Variants in KIF16B observed in about 807,000 individuals in gnomAD.
KIF16B encodes kinesin family member 16B.
Under a neutral mutation model 156.3 loss-of-function variants are expected in KIF16B, and 98 were observed. The observed-to-expected ratio is 0.63, with a 90% CI of 0.53 to 0.74. KIF16B has a LOEUF of 0.74. KIF16B is among the 30% of genes least tolerant of loss of function. KIF16B has a pLI of 0.00. For missense variants in KIF16B, 1,421 were observed against 1,606.5 expected (o/e 0.88, Z 1.97); for synonymous variants, 564 against 583.7 (o/e 0.97, Z 0.49).
At chr20:16,560,771 T>G (rs1323502694) in intron 1 of KIF16B, among the ~76,000 whole-genome samples, 2 of 151,528 alleles carry the variant, frequency 1.3e-5, no homozygotes, top group Non-Finnish European at 2.9e-5. Flanking sequence ...GGTGACAAAG[T>G]GAGATATTAT....
At chr20:16,470,731 G>A (rs6043977) in intron 12 of KIF16B, among the ~76,000 whole-genome samples, 36,996 of 150,150 alleles carry the variant, frequency 0.25, 4,740 homozygotes, top group African/African-American at 0.3. Context: ...TCCTGGGCTC[G>A]AGCAATCGGC....
intron 25 of KIF16B, among the ~76,000 whole-genome samples, chr20:16,292,690 A>G (rs1425891268): frequency 6.6e-6 from 1 of 152,220 alleles, no homozygotes; most frequent in Middle Eastern, 3.2e-3. Flanking sequence ...CTTAGTGGGC[A>G]TGAGACAGAC....
At chr20:16,438,077 G>A (rs2066697143) in intron 12 of KIF16B, among the ~76,000 whole-genome samples, 1 of 152,052 alleles carries the variant, frequency 6.6e-6, no homozygotes, top group African/African-American at 2.4e-5. Context: ...AACCTGGGAG[G>A]AGGACGTTGC....
intron 12 of KIF16B, among the ~76,000 whole-genome samples, chr20:16,450,477 A>C (rs545436891): frequency 6.6e-6 from 1 of 152,340 alleles, no homozygotes; most frequent in South Asian, 2.1e-4. Context: ...AGGAGTACAG[A>C]AGAGCCAAGG....
At chr20:16,384,395 T>C (rs1441562277) in intron 17 of KIF16B, among the ~76,000 whole-genome samples, 1 of 152,094 alleles carries the variant, frequency 6.6e-6, no homozygotes, top group Admixed American at 6.5e-5. Context: ...ATATCTAATC[T>C]GAGTCATTCT....
intron 6 of KIF16B, among the ~76,000 whole-genome samples, chr20:16,510,474 AC>A (rs1316160280): frequency 6.6e-6 from 1 of 152,098 alleles, no homozygotes; most frequent in Non-Finnish European, 1.5e-5. Flanking sequence ...AGATGGTGAA[AC>A]CCTGTCTCTA....
At chr20:16,413,397 G>A (rs2066006206) in intron 15 of KIF16B, among the ~76,000 whole-genome samples, 1 of 152,092 alleles carries the variant, frequency 6.6e-6, no homozygotes, top group South Asian at 2.1e-4. Context: ...CCTAAGGAAT[G>A]CAGGGACAAT....
intron 1 of KIF16B, among the ~76,000 whole-genome samples, chr20:16,560,930 G>A (rs1367189939): frequency 6.6e-6 from 1 of 152,134 alleles, no homozygotes; most frequent in African/African-American, 2.4e-5. Context: ...CACTTCATCA[G>A]TGTTTTTTTC....
At chr20:16,366,979 T>C in intron 22 of KIF16B, 5 of 1,308,282 alleles carry the variant, frequency 3.8e-6, no homozygotes, top group South Asian at 2.5e-5. Flanking sequence ...TTTTATTTTA[T>C]TGTAGATATT....
intron 15 of KIF16B, among the ~76,000 whole-genome samples, chr20:16,419,559 C>T (rs563150269): frequency 7.2e-5 from 11 of 152,142 alleles, no homozygotes; most frequent in Non-Finnish European, 1.3e-4. Context: ...GGCACTCAAG[C>T]ATAACACATT....
rs1337151310 is a variant in KIF16B at position 16,515,662 on chromosome 20, A to G, written c.234T>C (p.Val78=). The change falls in exon 4 of 26, where the codon GTT becomes GTC. Residue 78 remains valine, a splice_region_variant and synonymous_variant. Coordinates refer to ENST00000354981, the MANE Select transcript of KIF16B (RefSeq NM_024704.5). ...KSPDYVSQEM[V]FKTLGTDVVK... ...CGACATCTGTGCCGAGGGTTTTGAA[A>G]ACCTGAAAGCCAAAAAGAACACACA... 7.6e-6 allele frequency: 12 copies of G among 1,575,926 alleles called. No individual in the cohort carries two copies. Among genetic ancestry groups the G allele is most frequent in the Non-Finnish European group, 1.0e-5 (12 of 1,147,386 alleles).
chr20:16,284,343 G>C (rs891027761), intron 25 of KIF16B, among the ~76,000 whole-genome samples: 9 of 152,172 alleles, frequency 5.9e-5, no homozygotes, highest in Non-Finnish European at 1.3e-4. Context: ...AGCACCATAA[G>C]CTTTCTTTCA....
At chr20:16,377,412 A>ACAATAAATAAAT (rs2064980093) in intron 19 of KIF16B, among the ~76,000 whole-genome samples, 2 of 151,242 alleles carry the variant, frequency 1.3e-5, no homozygotes, top group African/African-American at 4.9e-5. Flanking sequence ...TAAAATACAT[A>ACAATAAATAAAT]AAATAAATAA....
chr20:16,409,974 T>C lies in KIF16B; in HGVS notation c.1613-3518A>G, dbSNP rs1172221665. On this transcript the variant is annotated intron_variant, in intron 15 of 25. Transcript: ENST00000354981. ...ATATATATATATATATATATACATA[T>C]ATATATATATATATATATGTAGGTA... 3.5e-3 allele frequency among the ~76,000 whole-genome samples: 276 copies of C among 78,806 alleles called. 19 individuals carry two copies. The highest frequency in any genetic ancestry group is 7.0e-3 in the East Asian group (6 of 858). The allele number at this position is 78,806 out of a possible 152,430, so 51.7% of individuals were successfully genotyped here.
chr20:16,529,726 C>T (rs933625363), intron 1 of KIF16B, among the ~76,000 whole-genome samples: 4 of 152,138 alleles, frequency 2.6e-5, no homozygotes, highest in African/African-American at 9.7e-5. Flanking sequence ...CAGAGGCGGG[C>T]AGATCACCTG....
intron 1 of KIF16B, among the ~76,000 whole-genome samples, chr20:16,537,514 G>A (rs2070017665): frequency 2.6e-5 from 4 of 151,828 alleles, no homozygotes; most frequent in African/African-American, 9.7e-5. Context: ...TAAAATGGCT[G>A]TTAAATGTGA....
intron 22 of KIF16B, chr20:16,367,076 A>G: frequency 6.8e-7 from 1 of 1,463,338 alleles, no homozygotes; most frequent in Non-Finnish European, 9.0e-7. Flanking sequence ...TATTGCCTTG[A>G]CTGTTTTCAC....
chr20:16,368,721 C>T (rs1428271226), intron 22 of KIF16B: 8 of 985,858 alleles, frequency 8.1e-6, no homozygotes, highest in East Asian at 2.3e-4. Context: ...GTACGCTCTG[C>T]GGGGCACTGC....
At chr20:16,496,713 A>C (rs2068461349) in intron 11 of KIF16B, among the ~76,000 whole-genome samples, 1 of 152,236 alleles carries the variant, frequency 6.6e-6, no homozygotes, top group Non-Finnish European at 1.5e-5. Context: ...ATATAGTTTA[A>C]ATTATAGCAC....
Sources: allele counts gnomAD v4.1 joint callset (sites outside exome capture counted in the v4.1 genomes callset), GRCh38; gene constraint gnomAD v4.1.1; transcripts MANE v1.5; gene names NCBI Gene and HGNC (gene_info 2026-07-23, HGNC 2026-07-21).